ATP10B: variants seen among roughly 807,000 people sequenced by gnomAD.
ATP10B encodes the protein phospholipid-transporting ATPase VB.
ATP10B carries 122 observed loss-of-function variants against 141.2 expected under a neutral mutation model. The observed-to-expected ratio is 0.86, with a 90% CI of 0.75 to 1.00. The LOEUF (loss-of-function observed/expected upper bound fraction) is 1.00, where lower values mean the gene tolerates loss of function less well. ATP10B is among the 50% of genes least tolerant of loss of function. ATP10B has a pLI of 0.00. For missense variants in ATP10B, 1,876 were observed against 1,825.3 expected (o/e 1.03, Z -0.51); for synonymous variants, 685 against 692.0 (o/e 0.99, Z 0.16).
chr5:160,797,958 AAAAAAG>A (rs1270131463), intron 1 of ATP10B, among the ~76,000 whole-genome samples: 2 of 151,868 alleles, frequency 1.3e-5, no homozygotes, highest in African/African-American at 4.8e-5. Flanking sequence ...GAAAAAAAAA[AAAAAAG>A]AGAAAAGAAA....
chr5:160,842,935 A>T (rs1775898878), intron 1 of ATP10B, among the ~76,000 whole-genome samples: 1 of 152,140 alleles, frequency 6.6e-6, no homozygotes, highest in Non-Finnish European at 1.5e-5. Flanking sequence ...AACACTTCCC[A>T]ATTTATTTTA....
chr5:160,732,984 C>T (rs1419245815), intron 2 of ATP10B, among the ~76,000 whole-genome samples: 1 of 152,164 alleles, frequency 6.6e-6, no homozygotes. Context: ...TCTTAAATTA[C>T]AGATGTGAGC....
intron 8 of ATP10B, among the ~76,000 whole-genome samples, chr5:160,645,928 A>G (rs937635173): frequency 3.3e-5 from 5 of 152,288 alleles, no homozygotes; most frequent in African/African-American, 1.2e-4. Flanking sequence ...CAGAATGGGG[A>G]TTCAAAACTA....
chr5:160,860,024 T>A, the ATP10B span, among the ~76,000 whole-genome samples: 1 of 151,902 alleles, frequency 6.6e-6, no homozygotes, highest in Admixed American at 6.6e-5. Flanking sequence ...TTACTCTTTT[T>A]ATTTCTAAAA....
intron 3 of ATP10B, among the ~76,000 whole-genome samples, chr5:160,691,998 G>T (rs1581366578): frequency 6.6e-6 from 1 of 152,168 alleles, no homozygotes; most frequent in African/African-American, 2.4e-5. Context: ...TTTATGAATA[G>T]CATTGAAAAT....
chr5:160,871,260 G>T, the ATP10B span, among the ~76,000 whole-genome samples: 3 of 152,188 alleles, frequency 2.0e-5, no homozygotes, highest in Non-Finnish European at 4.4e-5. Flanking sequence ...TTATATATAA[G>T]TGAAAAGAAT....
intron 1 of ATP10B, among the ~76,000 whole-genome samples, chr5:160,836,331 C>A (rs1368384535): frequency 2.0e-5 from 3 of 152,004 alleles, no homozygotes; most frequent in Non-Finnish European, 4.4e-5. Flanking sequence ...TAAGTTTTTT[C>A]ATTTTTTTTC....
intron 18 of ATP10B, 171 bp downstream of exon 18, chr5:160,612,570 A>T: frequency 1.9e-6 from 1 of 525,840 alleles, no homozygotes; most frequent in Non-Finnish European, 3.3e-6. Context: ...GATAAAGGAT[A>T]TTGGGCTGGA....
intron 1 of ATP10B, among the ~76,000 whole-genome samples, chr5:160,838,547 T>A (rs1775608309): frequency 6.6e-6 from 1 of 152,170 alleles, no homozygotes; most frequent in Non-Finnish European, 1.5e-5. Flanking sequence ...CCATGGAAAA[T>A]ATATTCTTTA....
chr5:160,880,891 T>C, the ATP10B span, among the ~76,000 whole-genome samples: 2 of 152,160 alleles, frequency 1.3e-5, no homozygotes, highest in African/African-American at 4.8e-5. Context: ...GATGACTTTC[T>C]AGATGAAACA....
intron 7 of ATP10B, among the ~76,000 whole-genome samples, chr5:160,659,546 A>G (rs1761765078): frequency 1.3e-5 from 2 of 152,098 alleles, no homozygotes; most frequent in Admixed American, 1.3e-4. Flanking sequence ...GTTTCCTCGT[A>G]AGGCTCTAAA....
chr5:160,781,520 A>T (rs1441585243), intron 2 of ATP10B, among the ~76,000 whole-genome samples: 2 of 152,132 alleles, frequency 1.3e-5, no homozygotes, highest in African/African-American at 2.4e-5. Flanking sequence ...CTGCTCTGGG[A>T]AGGATGACAA....
At chr5:160,868,425 C>T in the ATP10B span, among the ~76,000 whole-genome samples, 1 of 151,914 alleles carries the variant, frequency 6.6e-6, no homozygotes, top group South Asian at 2.1e-4. Context: ...ATTTTACTTG[C>T]TGAAGCCACT....
the ATP10B span, among the ~76,000 whole-genome samples, chr5:160,867,336 C>A: frequency 6.6e-6 from 1 of 151,972 alleles, no homozygotes; most frequent in African/African-American, 2.4e-5. Flanking sequence ...TAATGGGAGA[C>A]AACTAGGAGA....
the ATP10B span, among the ~76,000 whole-genome samples, chr5:160,897,112 A>G: frequency 6.6e-6 from 1 of 152,232 alleles, no homozygotes; most frequent in African/African-American, 2.4e-5. Flanking sequence ...AGCTGGAAGC[A>G]TTCCCTTTGA....
intron 13 of ATP10B, among the ~76,000 whole-genome samples, chr5:160,631,579 G>T (rs1392465704): frequency 6.6e-6 from 1 of 152,218 alleles, no homozygotes; most frequent in Non-Finnish European, 1.5e-5. Flanking sequence ...TCACCAAAAA[G>T]TATATTCTTC....
At chr5:160,660,047 G>C (rs1160181594) in intron 7 of ATP10B, among the ~76,000 whole-genome samples, 2 of 152,106 alleles carry the variant, frequency 1.3e-5, no homozygotes, top group African/African-American at 4.8e-5. Context: ...TATCAAAAGG[G>C]GGTGGTGTAA....
intron 1 of ATP10B, among the ~76,000 whole-genome samples, chr5:160,847,696 C>T (rs1012330780): frequency 6.6e-6 from 1 of 152,178 alleles, no homozygotes; most frequent in African/African-American, 2.4e-5. Context: ...GTCAAGTTCA[C>T]TTGACAGCAA....
intron 1 of ATP10B, among the ~76,000 whole-genome samples, chr5:160,813,996 C>CA (rs760509252): frequency 1.3e-5 from 2 of 152,174 alleles, no homozygotes; most frequent in Non-Finnish European, 1.5e-5. Flanking sequence ...TCACCATCAT[C>CA]AAAGACCAAA....
Sources: gnomAD v4.1 joint callset for allele counts (sites outside exome capture counted in the v4.1 genomes callset) on GRCh38, gnomAD v4.1.1 for gene constraint, MANE v1.5 for transcripts, NCBI Gene and HGNC (gene_info 2026-07-23, HGNC 2026-07-21) for gene names.